Variants in FOXN2 observed in about 807,000 individuals in gnomAD.
FOXN2 encodes the protein forkhead box N2, also known as forkhead box protein N2.
A neutral mutation model predicts 41.2 loss-of-function variants in FOXN2; 19 were observed. That is an observed-to-expected ratio of 0.46 (90% confidence interval 0.32 to 0.68). The LOEUF (loss-of-function observed/expected upper bound fraction) is 0.68, where lower values mean the gene tolerates loss of function less well. Ranked by LOEUF, FOXN2 falls within the 30% of genes least tolerant of loss-of-function variation. The probability of loss-of-function intolerance (pLI) is 0.03; values close to 1 mark genes in which losing one functional copy is unlikely to be tolerated. For synonymous variants in FOXN2, 195 were observed against 176.8 expected (o/e 1.10, Z -0.82); for missense variants, 587 against 509.4 (o/e 1.15, Z -1.47).
At chr2:48,348,174 T>TC (rs1429983562) in intron 3 of FOXN2, among the ~76,000 whole-genome samples, 2 of 152,150 alleles carry the variant, frequency 1.3e-5, no homozygotes, top group Non-Finnish European at 2.9e-5. Context: ...CTTTTAGGAC[T>TC]CCAAGTAAAA....
intron 2 of FOXN2, among the ~76,000 whole-genome samples, chr2:48,335,236 A>G (rs1558618106): frequency 6.6e-6 from 1 of 152,232 alleles, no homozygotes; most frequent in Non-Finnish European, 1.5e-5. Flanking sequence ...TTAAAAATGA[A>G]GAAAAGAGCA....
At chr2:48,359,250 T>A in intron 4 of FOXN2, 103 bp downstream of exon 4, 1 of 787,158 alleles carries the variant, frequency 1.3e-6, no homozygotes, top group Non-Finnish European at 2.0e-6. Flanking sequence ...TTTTATTGTA[T>A]AAAGAAGTAT....
intron 3 of FOXN2, among the ~76,000 whole-genome samples, chr2:48,353,162 G>A (rs549869140): frequency 2.0e-5 from 3 of 152,196 alleles, no homozygotes; most frequent in African/African-American, 7.2e-5. Context: ...CTAAATAAAA[G>A]CCAAACTTGT....
chr2:48,358,642 A>G (rs560862946), intron 3 of FOXN2, among the ~76,000 whole-genome samples: 1 of 152,360 alleles, frequency 6.6e-6, no homozygotes, highest in Non-Finnish European at 1.5e-5. Flanking sequence ...TTAAATCTTA[A>G]TAGCAATCAT....
At position 48,331,438 on chromosome 2, in the gene FOXN2, A is replaced by G. The variant is rs552213518; in HGVS notation, c.-15+2736A>G. ...TAAAAGCACTTTTTAAAGGTATTGAACTCATAATTAATCGAACCAAGTTAA... is the reference window on the plus strand; with the variant it reads ...TAAAAGCACTTTTTAAAGGTATTGAGCTCATAATTAATCGAACCAAGTTAA... On this transcript the variant is annotated intron_variant, in intron 2 of 6. Coordinates refer to ENST00000340553, the MANE Select transcript of FOXN2 (RefSeq NM_002158.4). 3.3e-5 allele frequency among the ~76,000 whole-genome samples: 5 copies of G among 152,308 alleles called. No individual in the cohort carries two copies. The South Asian group carries it at 8.3e-4, about 25-fold the overall frequency.
intron 1 of FOXN2, among the ~76,000 whole-genome samples, chr2:48,326,850 A>G (rs1162554465): frequency 1.3e-5 from 2 of 152,232 alleles, no homozygotes; most frequent in South Asian, 2.1e-4. Flanking sequence ...TCCCATCCCT[A>G]AAGTATCTCA....
chr2:48,376,195 A>C lies in FOXN2; in HGVS notation c.*752A>C, dbSNP rs1673236684. 1.3e-5 allele frequency: 2 copies of C among 152,170 alleles called. No individual in the cohort carries two copies. Among genetic ancestry groups the C allele is most frequent in the Admixed American group, 6.5e-5 (1 of 15,272 alleles). The allele number at this position is 152,170 out of a possible 1,614,324, so 9.4% of individuals were successfully genotyped here. On this transcript the variant is annotated 3_prime_UTR_variant, in exon 7 of 7. Coordinates refer to ENST00000340553, the MANE Select transcript of FOXN2 (RefSeq NM_002158.4). ...TTTATTCTTTCCCAAAGTGCTTTGC[A>C]AACATTAAGTTTTAGCCACTAGCTG...
intron 2 of FOXN2, among the ~76,000 whole-genome samples, chr2:48,342,260 A>T (rs541775482): frequency 1.4e-3 from 216 of 152,124 alleles, no homozygotes; most frequent in Middle Eastern, 3.4e-3. Flanking sequence ...ATGGCTACTA[A>T]ATATTAGATT....
Position 48,314,718 on chromosome 2 carries a change from C to G in FOXN2, c.-253C>G, listed in dbSNP as rs529190377. The G allele has an allele frequency of 6.5e-6, 1 of 152,768 alleles. No individual in the cohort carries two copies. Among genetic ancestry groups the G allele is most frequent in the African/African-American group, 2.4e-5 (1 of 41,452 alleles). 9.5% of individuals were successfully genotyped at this position (152,768 alleles called of 1,614,324 possible). On this transcript the variant is annotated 5_prime_UTR_variant, in exon 1 of 7. Transcript: ENST00000340553. ...TGCTGCCTGCTGGTTGCCGCGTCTT[C>G]CCGGAGGCGACTGCTGGAAGCTGCA...
chr2:48,361,453 C>G (rs1035882264), intron 4 of FOXN2, among the ~76,000 whole-genome samples: 1 of 146,344 alleles, frequency 6.8e-6, no homozygotes, highest in African/African-American at 2.5e-5. Flanking sequence ...GGCGACAGAG[C>G]GAGACTGTGT....
intron 1 of FOXN2, among the ~76,000 whole-genome samples, chr2:48,325,882 TCA>T (rs911100740): frequency 6.6e-5 from 9 of 137,402 alleles, no homozygotes; most frequent in African/African-American, 2.4e-4. Context: ...GAAGTTTTCC[TCA>T]GTCGCCCAGG....
At chr2:48,374,753 A>T (rs912193125) in intron 6 of FOXN2, among the ~76,000 whole-genome samples, 167 bp from the exon 7 acceptor site, 1 of 152,250 alleles carries the variant, frequency 6.6e-6, no homozygotes, top group African/African-American at 2.4e-5. Context: ...AATGTTTCAA[A>T]TTAATGCTTG....
At chr2:48,353,954 A>G (rs548887554) in intron 3 of FOXN2, among the ~76,000 whole-genome samples, 27 of 152,134 alleles carry the variant, frequency 1.8e-4, no homozygotes, top group Admixed American at 6.5e-4. Context: ...ATGCATTTAG[A>G]ATTTCCTTAG....
intron 1 of FOXN2, among the ~76,000 whole-genome samples, chr2:48,324,449 C>T (rs1380876944): frequency 6.6e-6 from 1 of 152,178 alleles, no homozygotes; most frequent in Non-Finnish European, 1.5e-5. Context: ...CTGCCTTGGC[C>T]TCCCAAAGTG....
chr2:48,330,498 A>C (rs1338412332), intron 2 of FOXN2, among the ~76,000 whole-genome samples: 1 of 152,156 alleles, frequency 6.6e-6, no homozygotes, highest in Non-Finnish European at 1.5e-5. Flanking sequence ...AATTCAGTGA[A>C]TGACTACCTC....
chr2:48,371,344 C>G (rs976114436), intron 5 of FOXN2, among the ~76,000 whole-genome samples: 2 of 152,040 alleles, frequency 1.3e-5, no homozygotes, highest in African/African-American at 4.8e-5. Flanking sequence ...TTGCAGTGAC[C>G]CGAGAACACT....
intron 1 of FOXN2, among the ~76,000 whole-genome samples, chr2:48,321,409 G>T (rs1192018636): frequency 1.3e-5 from 2 of 152,106 alleles, no homozygotes; most frequent in South Asian, 4.2e-4. Flanking sequence ...GGTGGCGAGT[G>T]CCTGTAGTCC....
At chr2:48,341,420 A>G (rs1670765533) in intron 2 of FOXN2, among the ~76,000 whole-genome samples, 1 of 152,176 alleles carries the variant, frequency 6.6e-6, no homozygotes, top group African/African-American at 2.4e-5. Flanking sequence ...TGATGGGCCA[A>G]CTCACTCAAA....
At chr2:48,330,543 A>G (rs575088679) in intron 2 of FOXN2, among the ~76,000 whole-genome samples, 1 of 152,146 alleles carries the variant, frequency 6.6e-6, no homozygotes, top group South Asian at 2.1e-4. Context: ...GCCTCAGTCA[A>G]TTTGTTTTTT....
Sources: gnomAD v4.1 joint callset for allele counts (sites outside exome capture counted in the v4.1 genomes callset) on GRCh38, gnomAD v4.1.1 for gene constraint, MANE v1.5 for transcripts, NCBI Gene and HGNC (gene_info 2026-07-23, HGNC 2026-07-21) for gene names.